CCSER1: variants seen among roughly 807,000 people sequenced by gnomAD.
CCSER1 encodes the protein serine-rich coiled-coil domain-containing protein 1.
CCSER1 carries 41 observed loss-of-function variants against 82.0 expected under a neutral mutation model. The observed-to-expected ratio is 0.50, with a 90% CI of 0.39 to 0.65. The LOEUF is 0.65. Among genes scored for constraint, CCSER1 ranks in the 30% least tolerant of loss-of-function variants. The probability of loss-of-function intolerance (pLI) is 0.00; values close to 1 mark genes in which losing one functional copy is unlikely to be tolerated. For synonymous variants in CCSER1, 414 were observed against 383.9 expected (o/e 1.08, Z -0.92); for missense variants, 1,119 against 1,064.2 (o/e 1.05, Z -0.72).
chr4:91,566,804 A>C (rs1762904668), intron 10 of CCSER1, among the ~76,000 whole-genome samples: 1 of 151,942 alleles, frequency 6.6e-6, no homozygotes, highest in East Asian at 1.9e-4. Flanking sequence ...TATAGCTAGT[A>C]ACCTATCTAT....
intron 7 of CCSER1, among the ~76,000 whole-genome samples, chr4:90,733,001 G>C (rs1745025301): frequency 1.3e-5 from 2 of 152,206 alleles, no homozygotes; most frequent in African/African-American, 4.8e-5. Context: ...TGGGAGTGCA[G>C]ATATCTCTTC....
intron 10 of CCSER1, among the ~76,000 whole-genome samples, chr4:91,282,229 C>T (rs1395439307): frequency 6.6e-6 from 1 of 152,110 alleles, no homozygotes; most frequent in African/African-American, 2.4e-5. Context: ...TCTTTCTTGA[C>T]TTCTAAATCA....
intron 10 of CCSER1, among the ~76,000 whole-genome samples, chr4:91,409,281 T>C (rs575568102): frequency 6.6e-6 from 1 of 152,340 alleles, no homozygotes; most frequent in Non-Finnish European, 1.5e-5. Flanking sequence ...TACCACTTAA[T>C]ATGCCCTTAT....
At chr4:90,685,159 C>T (rs1734585705) in intron 6 of CCSER1, among the ~76,000 whole-genome samples, 1 of 152,110 alleles carries the variant, frequency 6.6e-6, no homozygotes, top group African/African-American at 2.4e-5. Context: ...ATATAACAAT[C>T]TGTGGCTAGT....
At chr4:91,391,819 A>G (rs934118755) in intron 10 of CCSER1, among the ~76,000 whole-genome samples, 14 of 152,256 alleles carry the variant, frequency 9.2e-5, no homozygotes, top group Admixed American at 7.2e-4. Context: ...GTAATCTGCT[A>G]TGTTGGCCGT....
At position 90,669,189 on chromosome 4, in the gene CCSER1, G is replaced by A. The variant is rs542565341; in HGVS notation, c.1932+40957G>A. ...AAATATTGGAAGGAAATGACTAAAG[G>A]TATAATGAGTGGTCATCTCCTTCTT... On this transcript the variant is annotated intron_variant, in intron 6 of 10. Coordinates refer to ENST00000509176, the MANE Select transcript of CCSER1 (RefSeq NM_001145065.2). 3.9e-5 allele frequency among the ~76,000 whole-genome samples: 6 copies of A among 152,070 alleles called. No homozygotes were observed. The South Asian group carries it at 1.2e-3, about 31-fold the overall frequency.
At chr4:91,157,782 T>A (rs2082600887) in intron 10 of CCSER1, among the ~76,000 whole-genome samples, 1 of 152,030 alleles carries the variant, frequency 6.6e-6, no homozygotes, top group Non-Finnish European at 1.5e-5. Flanking sequence ...GGCATATTAA[T>A]GTTCTCCTTT....
chr4:91,104,983 TA>T (rs1357780876), intron 10 of CCSER1, among the ~76,000 whole-genome samples: 1 of 152,200 alleles, frequency 6.6e-6, no homozygotes, highest in Non-Finnish European at 1.5e-5. Context: ...TCAGGGCTTT[TA>T]GGGTATCCTT....
chr4:90,831,083 T>C (rs1761057899), intron 8 of CCSER1, among the ~76,000 whole-genome samples: 1 of 152,040 alleles, frequency 6.6e-6, no homozygotes, highest in South Asian at 2.1e-4. Flanking sequence ...ATTAATGAAC[T>C]ATCTCATTAG....
chr4:90,863,268 A>G (rs1474509826), intron 8 of CCSER1, among the ~76,000 whole-genome samples: 1 of 151,918 alleles, frequency 6.6e-6, no homozygotes. Flanking sequence ...TACCTGATGT[A>G]ACATTTTTCC....
chr4:90,581,681 G>A (rs1579288026), intron 5 of CCSER1, among the ~76,000 whole-genome samples: 1 of 152,056 alleles, frequency 6.6e-6, no homozygotes, highest in Non-Finnish European at 1.5e-5. Flanking sequence ...CCTGCTCTCC[G>A]TGTGACTCTG....
At chr4:90,353,702 T>G (rs1743907883) in intron 3 of CCSER1, among the ~76,000 whole-genome samples, 1 of 151,644 alleles carries the variant, frequency 6.6e-6, no homozygotes, top group African/African-American at 2.4e-5. Flanking sequence ...ACAATAGGAG[T>G]CTTTCTGAAA....
chr4:90,357,210 AC>A (rs749753823), intron 3 of CCSER1, among the ~76,000 whole-genome samples: 24 of 152,016 alleles, frequency 1.6e-4, no homozygotes, highest in Non-Finnish European at 3.4e-4. Context: ...GTTTTAAAAA[AC>A]CATATTATGC....
intron 9 of CCSER1, among the ~76,000 whole-genome samples, chr4:91,050,759 A>G (rs1742939366): frequency 6.6e-6 from 1 of 152,028 alleles, no homozygotes; most frequent in African/African-American, 2.4e-5. Flanking sequence ...TCCAGATAAC[A>G]CTGTATCTTG....
intron 8 of CCSER1, among the ~76,000 whole-genome samples, chr4:90,825,731 C>CTTT (rs747896341): frequency 5.6e-5 from 7 of 124,302 alleles, no homozygotes; most frequent in East Asian, 4.9e-4. Context: ...TTTGTTGTTG[C>CTTT]TTTTTTTTTT....
intron 8 of CCSER1, among the ~76,000 whole-genome samples, chr4:90,871,008 C>A (rs527712213): frequency 3.1e-4 from 46 of 150,332 alleles, no homozygotes; most frequent in South Asian, 6.3e-4. Context: ...TTTTGAATTT[C>A]TCCACTATCT....
intron 8 of CCSER1, among the ~76,000 whole-genome samples, chr4:90,831,399 T>C (rs1427918952): frequency 6.6e-6 from 1 of 152,210 alleles, no homozygotes; most frequent in African/African-American, 2.4e-5. Flanking sequence ...TGTATCATTA[T>C]ATAATTTCTA....
chr4:90,549,404 A>T (rs749888373), intron 5 of CCSER1, among the ~76,000 whole-genome samples: 1 of 152,200 alleles, frequency 6.6e-6, no homozygotes, highest in Non-Finnish European at 1.5e-5. Flanking sequence ...AGAAGTCACG[A>T]TAAAAGTTTT....
chr4:91,003,732 CAGG>C (rs1352632698), intron 9 of CCSER1, among the ~76,000 whole-genome samples: 1 of 152,148 alleles, frequency 6.6e-6, no homozygotes, highest in Non-Finnish European at 1.5e-5. Flanking sequence ...AAGCTCTGGC[CAGG>C]AGATTTCCTC....
Sources: gnomAD v4.1 joint callset for allele counts (sites outside exome capture counted in the v4.1 genomes callset) on GRCh38, gnomAD v4.1.1 for gene constraint, MANE v1.5 for transcripts, NCBI Gene and HGNC (gene_info 2026-07-23, HGNC 2026-07-21) for gene names.